LARS2: variants seen among roughly 807,000 people sequenced by gnomAD.
LARS2 encodes leucine--tRNA ligase, mitochondrial.
Under a neutral mutation model 116.6 loss-of-function variants are expected in LARS2, and 81 were observed. The observed-to-expected ratio is 0.69, with a 90% CI of 0.58 to 0.84. LARS2 has a LOEUF of 0.84. Ranked by LOEUF, LARS2 falls within the 40% of genes least tolerant of loss-of-function variation. LARS2 has a pLI of 0.00. For synonymous variants in LARS2, 396 were observed against 407.2 expected, an observed-to-expected ratio of 0.97 and a Z score of 0.33; for missense variants, 968 against 1,114.5, an observed-to-expected ratio of 0.87 and a Z score of 1.87.
In LARS2 at chr3:45,417,090, A is replaced by AC. The variant is rs550741311; in HGVS notation, c.364-392_364-391insC. ...CTCTGTCTCAAAAAAAAAAAAACAA[A>AC]AAAAAAAACTGACATGACATGAGCA... is the stretch of plus-strand genomic sequence containing the variant. On this transcript the variant is annotated intron_variant, in intron 4 of 21. Transcript: ENST00000645846. Among the ~76,000 whole-genome samples, 235 of 151,050 alleles carry AC rather than the reference A, an allele frequency of 1.6e-3. 1 individual carries two copies. The highest frequency in any genetic ancestry group is 2.8e-3 in the Non-Finnish European group (189 of 67,640).
At chr3:45,467,510 G>A (rs1401470963) in intron 8 of LARS2, among the ~76,000 whole-genome samples, 1 of 152,076 alleles carries the variant, frequency 6.6e-6, no homozygotes, top group East Asian at 1.9e-4. Context: ...CTATGTAAAA[G>A]CATATATATA....
At chr3:45,523,824 A>T (rs1268156955) in intron 19 of LARS2, among the ~76,000 whole-genome samples, 173 bp from the exon 20 acceptor site, 1 of 151,652 alleles carries the variant, frequency 6.6e-6, no homozygotes, top group Admixed American at 6.6e-5. Context: ...GCTGTAGTTT[A>T]TCTCAGTGCT....
chr3:45,493,006 T>C (rs1226418918), intron 13 of LARS2, among the ~76,000 whole-genome samples: 3 of 152,146 alleles, frequency 2.0e-5, no homozygotes, highest in Admixed American at 2.0e-4. Flanking sequence ...AGCACAGCAG[T>C]TGTGGCCTTA....
At chr3:45,400,918 A>G (rs1575229809) in intron 4 of LARS2, among the ~76,000 whole-genome samples, 1 of 151,448 alleles carries the variant, frequency 6.6e-6, no homozygotes, top group Admixed American at 6.6e-5. Flanking sequence ...GGTTCACGCC[A>G]TTCTCCTGCC....
At chr3:45,396,828 ATG>A (rs987963829) in intron 3 of LARS2, among the ~76,000 whole-genome samples, 4 of 152,234 alleles carry the variant, frequency 2.6e-5, no homozygotes, top group Non-Finnish European at 4.4e-5. Flanking sequence ...TCAAAATCAA[ATG>A]TGTGTTTGAT....
chr3:45,436,816 A>AAG (rs59482515), intron 6 of LARS2, among the ~76,000 whole-genome samples: 1 of 151,332 alleles, frequency 6.6e-6, no homozygotes, highest in Non-Finnish European at 1.5e-5. Flanking sequence ...AAAAAAAAAA[A>AAG]GAAAAGCCGT....
intron 20 of LARS2, among the ~76,000 whole-genome samples, chr3:45,541,114 T>G (rs1235264935): frequency 6.6e-6 from 1 of 152,198 alleles, no homozygotes; most frequent in Non-Finnish European, 1.5e-5. Context: ...GTTAAAGTCC[T>G]GGAGCACTGG....
At chr3:45,503,253 G>T (rs945974523) in intron 15 of LARS2, among the ~76,000 whole-genome samples, 18 of 151,998 alleles carry the variant, frequency 1.2e-4, no homozygotes, top group Non-Finnish European at 1.3e-4. Context: ...CAGATTCTCA[G>T]GAGAAATACT....
intron 4 of LARS2, among the ~76,000 whole-genome samples, chr3:45,403,112 C>CAAAAAAAAAA (rs1160287597): frequency 6.2e-4 from 53 of 85,330 alleles, no homozygotes; most frequent in African/African-American, 6.3e-4. Flanking sequence ...TCTCCAAAGA[C>CAAAAAAAAAA]AAAAAAAAAA....
At chr3:45,493,836 T>G (rs777357373) in intron 13 of LARS2, among the ~76,000 whole-genome samples, 2 of 152,110 alleles carry the variant, frequency 1.3e-5, no homozygotes, top group Non-Finnish European at 2.9e-5. Flanking sequence ...AACAAGACCA[T>G]TAAAAAGGAA....
intron 4 of LARS2, among the ~76,000 whole-genome samples, chr3:45,411,521 G>A (rs1228556081): frequency 6.6e-6 from 1 of 151,312 alleles, no homozygotes; most frequent in Admixed American, 6.6e-5. Context: ...GAAGATTTGT[G>A]TCTATATCCT....
chr3:45,434,231 T>C (rs1403243740), intron 6 of LARS2, among the ~76,000 whole-genome samples: 1 of 152,228 alleles, frequency 6.6e-6, no homozygotes, highest in East Asian at 1.9e-4. Context: ...GTCAGATCTT[T>C]TGTTATAGTT....
intron 21 of LARS2, among the ~76,000 whole-genome samples, chr3:45,543,490 CAG>C (rs1287018306): frequency 6.8e-6 from 1 of 146,428 alleles, no homozygotes; most frequent in Non-Finnish European, 1.5e-5. Context: ...TTTGGTGAGA[CAG>C]AGTCTCTCTC....
At chr3:45,533,275 T>C (rs1334318297) in intron 20 of LARS2, among the ~76,000 whole-genome samples, 5 of 148,658 alleles carry the variant, frequency 3.4e-5, no homozygotes, top group Admixed American at 6.8e-5. Flanking sequence ...ATCAGCCTCC[T>C]GAGTAGCTGG....
intron 4 of LARS2, among the ~76,000 whole-genome samples, chr3:45,407,491 G>A (rs976458035): frequency 3.3e-5 from 5 of 152,202 alleles, no homozygotes; most frequent in Non-Finnish European, 5.9e-5. Flanking sequence ...GAGGAGGTCT[G>A]CTGCTTTGGG....
intron 7 of LARS2, among the ~76,000 whole-genome samples, chr3:45,455,105 A>G (rs1005436129): frequency 1.9e-4 from 29 of 151,308 alleles, no homozygotes; most frequent in South Asian, 2.1e-4. Flanking sequence ...TTAGGGGGAT[A>G]AATTGCCTTT....
chr3:45,412,316 T>C (rs1698343736), intron 4 of LARS2, among the ~76,000 whole-genome samples: 1 of 152,166 alleles, frequency 6.6e-6, no homozygotes, highest in Non-Finnish European at 1.5e-5. Flanking sequence ...CAAGAGTGTG[T>C]AAACATTCCC....
intron 4 of LARS2, among the ~76,000 whole-genome samples, chr3:45,400,741 T>C (rs1028920628): frequency 5.9e-5 from 9 of 152,206 alleles, no homozygotes; most frequent in African/African-American, 2.2e-4. Flanking sequence ...ATCAGTGCTA[T>C]GAGTGGCAGG....
At position 45,505,109 on chromosome 3, in the gene LARS2, AAAAG is replaced by A. The variant is rs1052894041; in HGVS notation, c.1760+4534_1760+4537del. ...ATTAAAAAAAAAAGCAAAGAAAAGA[AAAAG>A]AAATTGAGTTTAATCCCTTGAAACA... On this transcript the variant is annotated intron_variant, in intron 15 of 21. Coordinates refer to ENST00000645846, the MANE Select transcript of LARS2 (RefSeq NM_015340.4). Among the ~76,000 whole-genome samples, 24 of 151,886 alleles carry A rather than the reference AAAAG, an allele frequency of 1.6e-4. 1 individual carries two copies. The highest frequency in any genetic ancestry group is 3.1e-4 in the Non-Finnish European group (21 of 67,908).
Sources: allele counts gnomAD v4.1 joint callset (sites outside exome capture counted in the v4.1 genomes callset), GRCh38; gene constraint gnomAD v4.1.1; transcripts MANE v1.5; gene names NCBI Gene and HGNC (gene_info 2026-07-23, HGNC 2026-07-21).